PTPRR: variants seen among roughly 807,000 people sequenced by gnomAD.
PTPRR encodes protein tyrosine phosphatase receptor type R.
PTPRR carries 38 observed loss-of-function variants against 77.2 expected under a neutral mutation model. The ratio of observed to expected loss-of-function variants is 0.49; its 90% CI spans 0.38 to 0.65. The LOEUF is 0.65. Ranked by LOEUF, PTPRR falls within the 30% of genes least tolerant of loss-of-function variation. PTPRR has a pLI of 0.00. For missense variants in PTPRR, 744 were observed against 799.2 expected (o/e 0.93, Z 0.83); for synonymous variants, 299 against 283.1 (o/e 1.06, Z -0.57).
intron 2 of PTPRR, among the ~76,000 whole-genome samples, chr12:70,860,906 T>C (rs1371786188): frequency 1.3e-5 from 2 of 152,180 alleles, no homozygotes; most frequent in Non-Finnish European, 2.9e-5. Context: ...CATAACTCTC[T>C]ATTCCCTTGC....
chr12:70,773,572 A>G (rs1381232739), intron 2 of PTPRR, among the ~76,000 whole-genome samples: 1 of 152,148 alleles, frequency 6.6e-6, no homozygotes. Context: ...GATGGAGCAT[A>G]TCATGGGTAA....
At chr12:70,775,798 T>TA (rs1891075365) in intron 2 of PTPRR, among the ~76,000 whole-genome samples, 1 of 151,934 alleles carries the variant, frequency 6.6e-6, no homozygotes, top group Non-Finnish European at 1.5e-5. Flanking sequence ...CTTTTTTTTT[T>TA]AACCTGGAAT....
intron 2 of PTPRR, among the ~76,000 whole-genome samples, chr12:70,809,583 C>T (rs1891773360): frequency 6.6e-6 from 1 of 152,128 alleles, no homozygotes; most frequent in African/African-American, 2.4e-5. Context: ...AATATCTTCT[C>T]CCACCACCCC....
intron 10 of PTPRR, among the ~76,000 whole-genome samples, chr12:70,674,620 T>C (rs903533258): frequency 6.6e-6 from 1 of 152,206 alleles, no homozygotes; most frequent in African/African-American, 2.4e-5. Context: ...CAGTTATTCC[T>C]GGAAATTTGC....
At chr12:70,901,213 A>C (rs544353566) in intron 1 of PTPRR, among the ~76,000 whole-genome samples, 1 of 151,690 alleles carries the variant, frequency 6.6e-6, no homozygotes, top group South Asian at 2.1e-4. Flanking sequence ...CAAAAAACTA[A>C]AAATAGAACT....
chr12:70,852,510 T>C lies in PTPRR; in HGVS notation c.357+40169A>G, dbSNP rs940640916. 1.4e-4 allele frequency among the ~76,000 whole-genome samples: 21 copies of C among 152,282 alleles called. 1 individual carries two copies. The highest frequency in any genetic ancestry group is 5.1e-4 in the African/African-American group (21 of 41,570). On this transcript the variant is annotated intron_variant, in intron 2 of 13. Coordinates refer to ENST00000283228, the MANE Select transcript of PTPRR (RefSeq NM_002849.4). ...TTTTATACCCTGATTATTATCAAAG[T>C]AATCAGCACTGAGCAAACAGCAATC...
chr12:70,761,605 G>A lies in PTPRR; in HGVS notation c.493C>T (p.Leu165=). Residue 165 remains leucine, a synonymous_variant, in exon 4 of 14, where the codon CTG becomes TTG. Coordinates refer to ENST00000283228, the MANE Select transcript of PTPRR (RefSeq NM_002849.4). The part of the protein sequence containing the change: ...RLIGKKNSIE[L]FVSPINRKTG... ...TTTCGGTTTATGGGAGACACAAACA[G>A]TTCAATACTGTTCTTCTTTCCCTAA... 6.3e-7 allele frequency: 1 copy of A among 1,590,610 alleles called. No individual in the cohort carries two copies. The highest frequency in any genetic ancestry group is 1.2e-5 in the South Asian group (1 of 86,508).
At chr12:70,745,266 G>T (rs1890176469) in intron 6 of PTPRR, among the ~76,000 whole-genome samples, 1 of 152,138 alleles carries the variant, frequency 6.6e-6, no homozygotes. Context: ...GGCCTCAAGT[G>T]ATCCACCCAC....
chr12:70,832,203 C>T (rs1892225340), intron 2 of PTPRR, among the ~76,000 whole-genome samples: 1 of 152,092 alleles, frequency 6.6e-6, no homozygotes, highest in African/African-American at 2.4e-5. Context: ...TTCTCTGGGT[C>T]AGGGATTGTA....
chr12:70,893,070 G>C, intron 1 of PTPRR, 93 bp from the exon 2 acceptor site: 1 of 1,349,356 alleles, frequency 7.4e-7, no homozygotes, highest in Non-Finnish European at 1.0e-6. Context: ...TTTCTTGAGA[G>C]GCTTTAAGAC....
At chr12:70,805,164 T>C (rs1225098827) in intron 2 of PTPRR, among the ~76,000 whole-genome samples, 2 of 152,098 alleles carry the variant, frequency 1.3e-5, no homozygotes, top group Non-Finnish European at 2.9e-5. Flanking sequence ...TGTATAAATA[T>C]TTTAAAACAT....
chr12:70,859,630 A>G (rs11178456), intron 2 of PTPRR, among the ~76,000 whole-genome samples: 15,348 of 151,948 alleles, frequency 0.1, 1,156 homozygotes, highest in Middle Eastern at 0.17. Context: ...ATGTTTATAG[A>G]TTTGAGAAGC....
intron 2 of PTPRR, among the ~76,000 whole-genome samples, chr12:70,841,841 C>A (rs1892403106): frequency 6.6e-6 from 1 of 152,014 alleles, no homozygotes; most frequent in Admixed American, 6.6e-5. Context: ...TTATTATTTT[C>A]ATAATGAGAA....
intron 2 of PTPRR, among the ~76,000 whole-genome samples, chr12:70,863,320 CT>C (rs538651595): frequency 1.3e-3 from 193 of 152,210 alleles, no homozygotes; most frequent in African/African-American, 4.4e-3. Context: ...AACCAATTTA[CT>C]TTTTTCAACA....
chr12:70,853,838 A>G (rs1007633142), intron 2 of PTPRR, among the ~76,000 whole-genome samples: 1 of 152,236 alleles, frequency 6.6e-6, no homozygotes, highest in Non-Finnish European at 1.5e-5. Flanking sequence ...CTATAGATCA[A>G]TAAGTGGGAA....
At chr12:70,851,412 G>A (rs1424328275) in intron 2 of PTPRR, among the ~76,000 whole-genome samples, 2 of 152,128 alleles carry the variant, frequency 1.3e-5, no homozygotes, top group Non-Finnish European at 2.9e-5. Context: ...TCAGAAAAAC[G>A]TTTTGGGTAG....
At chr12:70,814,629 G>A (rs1891868260) in intron 2 of PTPRR, among the ~76,000 whole-genome samples, 1 of 152,110 alleles carries the variant, frequency 6.6e-6, no homozygotes, top group African/African-American at 2.4e-5. Context: ...AGTAGAGGGG[G>A]CCGGCCCGGC....
At chr12:70,839,010 G>A (rs1565714419) in intron 2 of PTPRR, among the ~76,000 whole-genome samples, 1 of 152,156 alleles carries the variant, frequency 6.6e-6, no homozygotes, top group Non-Finnish European at 1.5e-5. Context: ...CGGCTAATGA[G>A]ATGTTTACTG....
At chr12:70,703,324 CTTAACTCTT>C (rs1888501280) in intron 6 of PTPRR, among the ~76,000 whole-genome samples, 1 of 152,048 alleles carries the variant, frequency 6.6e-6, no homozygotes, top group Non-Finnish European at 1.5e-5. Context: ...TATTATTCTT[CTTAACTCTT>C]TTGGATCACT....
Sources: gnomAD v4.1 joint callset for allele counts (sites outside exome capture counted in the v4.1 genomes callset) on GRCh38, gnomAD v4.1.1 for gene constraint, MANE v1.5 for transcripts, NCBI Gene and HGNC (gene_info 2026-07-23, HGNC 2026-07-21) for gene names.